The following ATP8B1 variants were observed in gnomAD, a reference collection of about 807,000 sequenced individuals.
The protein encoded by ATP8B1 is phospholipid-transporting ATPase IC.
ATP8B1 carries 80 observed loss-of-function variants against 149.9 expected under a neutral mutation model. The ratio of observed to expected loss-of-function variants is 0.53; its 90% CI spans 0.45 to 0.64. ATP8B1 has a LOEUF of 0.64. Ranked by LOEUF, ATP8B1 falls within the 30% of genes least tolerant of loss-of-function variation. ATP8B1 has a pLI of 0.00. For missense variants in ATP8B1, 1,247 were observed against 1,552.6 expected, an observed-to-expected ratio of 0.80 and a Z score of 3.31; for synonymous variants, 536 against 562.8, an observed-to-expected ratio of 0.95 and a Z score of 0.67.
At chr18:57,772,383 A>G (rs999602379) in intron 1 of ATP8B1, among the ~76,000 whole-genome samples, 1 of 152,122 alleles carries the variant, frequency 6.6e-6, no homozygotes, top group African/African-American at 2.4e-5. Flanking sequence ...AGAAAGTGAG[A>G]GGAGAAAGGC....
At chr18:57,673,506 C>A (rs541229989) in intron 16 of ATP8B1, among the ~76,000 whole-genome samples, 2 of 151,438 alleles carry the variant, frequency 1.3e-5, no homozygotes, top group Admixed American at 6.6e-5. Context: ...GCAATTTATT[C>A]TCTTTTTTAT....
chr18:57,743,079 A>G (rs1435761596), intron 1 of ATP8B1, among the ~76,000 whole-genome samples: 2 of 152,162 alleles, frequency 1.3e-5, no homozygotes, highest in Non-Finnish European at 2.9e-5. Flanking sequence ...TTTTTCATAC[A>G]GATTGTCTCA....
intron 1 of ATP8B1, among the ~76,000 whole-genome samples, chr18:57,773,630 T>G (rs1290856117): frequency 6.6e-6 from 1 of 152,156 alleles, no homozygotes; most frequent in Non-Finnish European, 1.5e-5. Flanking sequence ...ACTTCAAGTG[T>G]CTACTCAAAC....
At chr18:57,688,226 A>G (rs1243343675) in intron 13 of ATP8B1, 73 bp downstream of exon 13, 13 of 1,477,504 alleles carry the variant, frequency 8.8e-6, no homozygotes, top group Non-Finnish European at 1.2e-5. Context: ...GAGACAGGCT[A>G]TAGTCCAAGT....
intron 1 of ATP8B1, among the ~76,000 whole-genome samples, chr18:57,768,586 C>CAAAAAAAAA (rs5825235): frequency 1.0e-5 from 1 of 96,996 alleles, no homozygotes; most frequent in Non-Finnish European, 2.0e-5. Context: ...GTTTACATGC[C>CAAAAAAAAA]AAAAAAAAAA....
intron 10 of ATP8B1, 129 bp from the exon 11 acceptor site, chr18:57,694,799 T>C: frequency 1.3e-6 from 1 of 745,878 alleles, no homozygotes; most frequent in Non-Finnish European, 2.3e-6. Flanking sequence ...GGAGGCTGAG[T>C]TGGGCGGATC....
chr18:57,711,642 G>A (rs1381008445), intron 2 of ATP8B1, among the ~76,000 whole-genome samples: 1 of 152,158 alleles, frequency 6.6e-6, no homozygotes, highest in African/African-American at 2.4e-5. Context: ...ACCTGGGCTG[G>A]AGTGCAGTGG....
intron 2 of ATP8B1, among the ~76,000 whole-genome samples, chr18:57,710,993 C>T (rs1462902380): frequency 6.6e-6 from 1 of 152,200 alleles, no homozygotes; most frequent in African/African-American, 2.4e-5. Flanking sequence ...AAATGCAATT[C>T]TTCACTGAGA....
intron 1 of ATP8B1, among the ~76,000 whole-genome samples, chr18:57,743,227 T>C (rs2079934932): frequency 1.3e-5 from 2 of 151,904 alleles, no homozygotes; most frequent in Non-Finnish European, 1.5e-5. Flanking sequence ...TCCACACATA[T>C]CCCAGCTCTG....
At position 57,731,754 on chromosome 18, in the gene ATP8B1, A is replaced by G. The variant is rs1323728024; in HGVS notation, c.54T>C (p.Asn18=). The change falls in exon 2 of 28, where the codon AAT becomes AAC. Residue 18 remains asparagine (N), a synonymous_variant. Coordinates refer to ENST00000648908, the MANE Select transcript of ATP8B1 (RefSeq NM_001374385.1). The part of the protein sequence containing the change: ...ETTFDEDSQP[N]DEVVPYSDDE... ...CATCACTGTAGGGAACCACTTCGTC[A>G]TTAGGCTGAGAATCCTCGTCAAATG... 1.2e-6 allele frequency: 2 copies of G among 1,614,118 alleles called. No homozygotes were observed. Among genetic ancestry groups the G allele is most frequent in the Admixed American group, 1.7e-5 (1 of 59,982 alleles).
Position 57,675,041 on chromosome 18 carries a change from A to C in ATP8B1, c.1631-19T>G. ...AGCTGACCTAACAAGGAAGCGAGAG[A>C]AATCCCAGAAAAGCTGTAAAAACAA... On this transcript the variant is annotated intron_variant, in intron 15 of 27. Coordinates refer to ENST00000648908, the MANE Select transcript of ATP8B1 (RefSeq NM_001374385.1). The C allele has an allele frequency of 6.2e-7, 1 of 1,612,622 alleles. No homozygotes were observed. The highest frequency in any genetic ancestry group is 8.5e-7 in the Non-Finnish European group (1 of 1,179,532).
intron 27 of ATP8B1, among the ~76,000 whole-genome samples, chr18:57,649,636 G>C (rs1909471262): frequency 6.6e-6 from 1 of 152,052 alleles, no homozygotes; most frequent in Non-Finnish European, 1.5e-5. Context: ...ATGGGCGGTG[G>C]GCAGGTTGAT....
Position 57,701,321 on chromosome 18 carries a change from A to G in ATP8B1, c.394-8T>C. On this transcript the variant is annotated splice_region_variant and splice_polypyrimidine_tract_variant and intron_variant, in intron 4 of 27. Coordinates refer to ENST00000648908, the MANE Select transcript of ATP8B1 (RefSeq NM_001374385.1). ...AGAGATTTGAGGAACTGCCTAAAAGAATAAAAGGGCTTATGTGTGTGTCCA... is the reference window on the plus strand; with the variant it reads ...AGAGATTTGAGGAACTGCCTAAAAGGATAAAAGGGCTTATGTGTGTGTCCA... 6.2e-7 allele frequency: 1 copy of G among 1,610,066 alleles called. No homozygotes were observed. Among genetic ancestry groups the G allele is most frequent in the South Asian group, 1.1e-5 (1 of 90,996 alleles).
intron 2 of ATP8B1, 54 bp from the exon 3 acceptor site, chr18:57,706,641 A>C (rs1048684025): frequency 1.4e-5 from 19 of 1,389,668 alleles, no homozygotes; most frequent in Non-Finnish European, 1.9e-5. Flanking sequence ...TGTTGTTATG[A>C]GTTGAATTGT....
intron 2 of ATP8B1, among the ~76,000 whole-genome samples, chr18:57,721,886 T>C (rs1478521979): frequency 3.7e-5 from 4 of 107,586 alleles, no homozygotes; most frequent in African/African-American, 8.0e-5. Context: ...ACAGAAATTA[T>C]AACAAACTAT....
intron 20 of ATP8B1, among the ~76,000 whole-genome samples, chr18:57,666,288 GT>G: frequency 6.6e-6 from 1 of 152,038 alleles, no homozygotes; most frequent in East Asian, 1.9e-4. Context: ...GCTAACAAAC[GT>G]TTCAGCATAT....
At chr18:57,746,110 AAT>A (rs1329856643) in intron 1 of ATP8B1, among the ~76,000 whole-genome samples, 4 of 152,342 alleles carry the variant, frequency 2.6e-5, no homozygotes, top group African/African-American at 7.2e-5. Flanking sequence ...CTTTGTAAAT[AAT>A]ATGATTGTTT....
At chr18:57,671,336 C>T in intron 17 of ATP8B1, 132 bp downstream of exon 17, 1 of 805,898 alleles carries the variant, frequency 1.2e-6, no homozygotes. Flanking sequence ...TACTTTACTG[C>T]TCTTTCCACC....
Position 57,670,337 on chromosome 18 carries a change from T to TTTTTTC in ATP8B1, c.1933-861_1933-856dup, listed in dbSNP as rs534984328. Among the ~76,000 whole-genome samples the TTTTTTC allele has an allele frequency of 4.1e-4, 62 of 151,538 alleles. 1 individual carries two copies. Among genetic ancestry groups the TTTTTTC allele is most frequent in the African/African-American group, 1.4e-3 (59 of 41,356 alleles). Reference sequence around the variant, plus strand: ...GATGAACGATTCAAACATTTTCTTTTTTTTTCTTTTTCTTTTTCTTTTTTT... The same window carrying TTTTTTC: ...GATGAACGATTCAAACATTTTCTTTTTTTTTCTTTTTCTTTTTCTTTTTCTTTTTTT... On this transcript the variant is annotated intron_variant, in intron 17 of 27. Coordinates refer to ENST00000648908, the MANE Select transcript of ATP8B1 (RefSeq NM_001374385.1).
Sources: gnomAD v4.1 joint callset for allele counts (sites outside exome capture counted in the v4.1 genomes callset) on GRCh38, gnomAD v4.1.1 for gene constraint, MANE v1.5 for transcripts, NCBI Gene and HGNC (gene_info 2026-07-23, HGNC 2026-07-21) for gene names.